The following LRRN2 variants were observed in gnomAD, a reference collection of about 807,000 sequenced individuals.
LRRN2 encodes leucine-rich repeat neuronal protein 2.
Under a neutral mutation model 35.7 loss-of-function variants are expected in LRRN2, and 10 were observed. The ratio of observed to expected loss-of-function variants is 0.28; its 90% CI spans 0.17 to 0.47. LRRN2 has a LOEUF of 0.47. Among genes scored for constraint, LRRN2 ranks in the 20% least tolerant of loss-of-function variants. The probability of loss-of-function intolerance (pLI) is 0.99; values close to 1 mark genes in which losing one functional copy is unlikely to be tolerated. For missense variants in LRRN2, 731 were observed against 940.3 expected, an observed-to-expected ratio of 0.78 and a Z score of 2.91; for synonymous variants, 391 against 409.6, an observed-to-expected ratio of 0.95 and a Z score of 0.55.
Position 204,618,035 on chromosome 1 carries a change from C to A in LRRN2, c.1958G>T (p.Gly653Val). 6.2e-7 allele frequency: 1 copy of A among 1,612,838 alleles called. No homozygotes were observed. The highest frequency in any genetic ancestry group is 8.5e-7 in the Non-Finnish European group (1 of 1,179,432). Residue 653 changes from glycine to valine, a missense_variant, in exon 2 of 2, where the codon GGC becomes GTC. By Grantham distance (109) the Gly-to-Val change is moderately radical. This residue lies in a region of LRRN2 where 229 missense variants were observed against 258.4 expected (regional missense o/e 0.89). Transcript: ENST00000367177. ...CCCACCCACACCCTTCCTGGGTTGG[C>A]CTGTGCCAAGGTGGGCCGCTAGCCC... ...AAGLAAHLGT[G>V]QPRKGVGGRR...
chr1:204,637,820 G>A (rs960243116), intron 1 of LRRN2, among the ~76,000 whole-genome samples: 8 of 152,140 alleles, frequency 5.3e-5, no homozygotes, highest in Non-Finnish European at 2.9e-5. Context: ...GCAACACCGT[G>A]CTCTTTAAAC....
intron 1 of LRRN2, among the ~76,000 whole-genome samples, chr1:204,642,617 G>A (rs537515183): frequency 1.3e-5 from 2 of 152,310 alleles, no homozygotes; most frequent in Admixed American, 1.3e-4. Flanking sequence ...TCTGCCTCAG[G>A]AAGAACTGCC....
At chr1:204,653,129 G>A (rs181795704) in intron 1 of LRRN2, among the ~76,000 whole-genome samples, 56 of 152,258 alleles carry the variant, frequency 3.7e-4, no homozygotes, top group Non-Finnish European at 1.5e-4. Flanking sequence ...AAGTAATTGC[G>A]ATTTTTGCCA....
At chr1:204,680,235 A>G (rs1668918097) in intron 1 of LRRN2, among the ~76,000 whole-genome samples, 1 of 152,212 alleles carries the variant, frequency 6.6e-6, no homozygotes, top group Non-Finnish European at 1.5e-5. Flanking sequence ...AATGCAGGTA[A>G]AGCAGTTGGC....
At chr1:204,638,081 C>T (rs954011067) in intron 1 of LRRN2, among the ~76,000 whole-genome samples, 3 of 152,164 alleles carry the variant, frequency 2.0e-5, no homozygotes, top group Non-Finnish European at 4.4e-5. Flanking sequence ...GGGACCCCAA[C>T]AGTGATTGCC....
At chr1:204,659,805 G>A (rs1328958307) in intron 1 of LRRN2, among the ~76,000 whole-genome samples, 2 of 152,234 alleles carry the variant, frequency 1.3e-5, no homozygotes, top group African/African-American at 2.4e-5. Flanking sequence ...TACTAAAACT[G>A]TATTTAGCTT....
intron 1 of LRRN2, among the ~76,000 whole-genome samples, chr1:204,666,440 G>A (rs563954056): frequency 2.0e-5 from 3 of 152,322 alleles, no homozygotes; most frequent in African/African-American, 7.2e-5. Context: ...CGTTTGTTAG[G>A]TGCTTATTGC....
At chr1:204,652,523 C>T (rs1668258929) in intron 1 of LRRN2, among the ~76,000 whole-genome samples, 1 of 151,976 alleles carries the variant, frequency 6.6e-6, no homozygotes, top group Non-Finnish European at 1.5e-5. Context: ...CTCTTCTGTA[C>T]AATTAGAGTA....
chr1:204,652,697 G>A (rs2815831), intron 1 of LRRN2, among the ~76,000 whole-genome samples: 71,805 of 151,966 alleles, frequency 0.47, 17,412 homozygotes, highest in African/African-American at 0.56. Context: ...AACTAAGAGC[G>A]TGCCCACGAA....
chr1:204,618,598 C>T lies in LRRN2; in HGVS notation c.1395G>A (p.Leu465=). The change falls in exon 2 of 2, where the codon CTG becomes CTA. Residue 465 remains leucine (L), a synonymous_variant. Coordinates refer to ENST00000367177, the MANE Select transcript of LRRN2 (RefSeq NM_201630.2). ...ACCTCCTGCCTGCATGGGCAGGTGT[C>T]AGTCGAAGCCCAGCTGGAGTGACCC... ...IYWVTPAGLR[L]TPAHAGRRYR... 1.9e-6 allele frequency: 3 copies of T among 1,613,936 alleles called. No individual in the cohort carries two copies. Among genetic ancestry groups the T allele is most frequent in the Non-Finnish European group, 2.5e-6 (3 of 1,179,974 alleles).
chr1:204,680,849 GTC>G (rs1322460362), intron 1 of LRRN2, among the ~76,000 whole-genome samples: 1 of 152,152 alleles, frequency 6.6e-6, no homozygotes, highest in African/African-American at 2.4e-5. Context: ...CATCACCTGT[GTC>G]CCCAGACCCA....
intron 1 of LRRN2, among the ~76,000 whole-genome samples, chr1:204,648,627 C>A (rs996611126): frequency 6.6e-6 from 1 of 152,204 alleles, no homozygotes; most frequent in Non-Finnish European, 1.5e-5. Flanking sequence ...GCCTCGCCCC[C>A]CCACCCAACC....
chr1:204,634,408 C>T (rs1667782954), intron 1 of LRRN2, among the ~76,000 whole-genome samples: 1 of 152,132 alleles, frequency 6.6e-6, no homozygotes, highest in African/African-American at 2.4e-5. Context: ...GTGTGTTCCT[C>T]AAAAAGATAT....
intron 1 of LRRN2, 93 bp from the exon 2 acceptor site, chr1:204,620,311 T>C (rs528046154): frequency 1.4e-4 from 121 of 875,138 alleles, no homozygotes; most frequent in African/African-American, 8.8e-4. Flanking sequence ...AGTCTCATTC[T>C]GTCACCCAGG....
intron 1 of LRRN2, among the ~76,000 whole-genome samples, chr1:204,668,167 T>G (rs1048556381): frequency 3.9e-5 from 6 of 152,154 alleles, no homozygotes; most frequent in South Asian, 2.1e-4. Context: ...CACATGACAT[T>G]CCAGACCCAC....
At chr1:204,671,675 A>ACAAC (rs1558422544) in intron 1 of LRRN2, among the ~76,000 whole-genome samples, 2 of 111,516 alleles carry the variant, frequency 1.8e-5, no homozygotes, top group East Asian at 2.7e-4. Flanking sequence ...AAAAAAGCAA[A>ACAAC]GGTGCCAATG....
chr1:204,685,209 TGCTCCGGCC>T (rs1376904532), intron 1 of LRRN2, 102 bp downstream of exon 1: 2 of 152,326 alleles, frequency 1.3e-5, no homozygotes, highest in African/African-American at 4.8e-5. Flanking sequence ...CTGAGGCGGC[TGCTCCGGCC>T]GCTCCCGCCG....
intron 1 of LRRN2, among the ~76,000 whole-genome samples, chr1:204,674,859 G>C (rs1048629567): frequency 3.3e-5 from 5 of 152,230 alleles, no homozygotes; most frequent in African/African-American, 1.2e-4. Flanking sequence ...ACTCAGAGCT[G>C]CTCATCTTCC....
intron 1 of LRRN2, among the ~76,000 whole-genome samples, chr1:204,668,190 C>T (rs1396945663): frequency 6.6e-6 from 1 of 152,210 alleles, no homozygotes; most frequent in Non-Finnish European, 1.5e-5. Flanking sequence ...TCTTCCCAGC[C>T]CCTGTGGGTG....
Sources: allele counts gnomAD v4.1 joint callset (sites outside exome capture counted in the v4.1 genomes callset), GRCh38; gene constraint gnomAD v4.1.1; regional missense constraint gnomAD v4.1.1; transcripts MANE v1.5; gene names NCBI Gene and HGNC (gene_info 2026-07-23, HGNC 2026-07-21).